KAT6A: variants seen among roughly 807,000 people sequenced by gnomAD.
The protein encoded by KAT6A is histone acetyltransferase KAT6A.
Under a neutral mutation model 198.4 loss-of-function variants are expected in KAT6A, and 9 were observed. The ratio of observed to expected loss-of-function variants is 0.05; its 90% confidence interval spans 0.03 to 0.08. KAT6A has a LOEUF of 0.08. KAT6A is among the 10% of genes least tolerant of loss of function. The pLI, the probability that KAT6A is intolerant of heterozygous loss-of-function variation, is 1.00. For synonymous variants in KAT6A, 890 were observed against 883.0 expected, an observed-to-expected ratio of 1.01 and a Z score of -0.14; for missense variants, 2,077 against 2,509.9, an observed-to-expected ratio of 0.83 and a Z score of 3.69.
Position 41,932,059 on chromosome 8 carries a change from T to TA in KAT6A, c.*145dup. 1.2e-6 allele frequency: 1 copy of TA among 834,288 alleles called. No homozygotes were observed. The highest frequency in any genetic ancestry group is 1.6e-6 in the Non-Finnish European group (1 of 615,446). 51.7% of individuals were successfully genotyped at this position (834,288 alleles called of 1,614,324 possible). On this transcript the variant is annotated 3_prime_UTR_variant, in exon 17 of 17. Coordinates refer to ENST00000265713, the MANE Select transcript of KAT6A (RefSeq NM_006766.5). ...CAAAAAAAGAGAAGATCAGGTTTTC[T>TA]AAAAAATAAAATAAACCAAAGAAAA...
chr8:41,978,556 T>C (rs754943565), intron 6 of KAT6A, 86 bp downstream of exon 6: 4 of 1,409,786 alleles, frequency 2.8e-6, no homozygotes, highest in Non-Finnish European at 3.9e-6. Flanking sequence ...CAATGGAATT[T>C]TTTTCATAGA....
chr8:41,932,053 G>T lies in KAT6A; in HGVS notation c.*152C>A, dbSNP rs974660234. 33 of 767,986 alleles carry T rather than the reference G, an allele frequency of 4.3e-5. No individual in the cohort carries two copies. Among genetic ancestry groups the T allele is most frequent in the Non-Finnish European group, 5.2e-5 (29 of 556,218 alleles). The allele number at this position is 767,986 out of a possible 1,614,324, so 47.6% of individuals were successfully genotyped here. A position where few individuals can be genotyped will look rare whatever the true frequency, so the allele number is the denominator to read the frequency against. ...TGAACCCAAAAAAAGAGAAGATCAG[G>T]TTTTCTAAAAAATAAAATAAACCAA... On this transcript the variant is annotated 3_prime_UTR_variant, in exon 17 of 17. Coordinates refer to ENST00000265713, the MANE Select transcript of KAT6A (RefSeq NM_006766.5).
chr8:41,979,038 C>T (rs189493489), intron 5 of KAT6A, among the ~76,000 whole-genome samples: 3 of 152,270 alleles, frequency 2.0e-5, no homozygotes, highest in African/African-American at 4.8e-5. Context: ...GAGGCTGAGG[C>T]GGGTGGATCA....
chr8:41,944,472 CA>C lies in KAT6A; in HGVS notation c.1997-494del, dbSNP rs1822283897. ...AATTACCTATCATTCTAACTCTAGG[CA>C]AGCAGGACTGCCAATATAAGTGTGG... On this transcript the variant is annotated intron_variant, in intron 12 of 16. Coordinates refer to ENST00000265713, the MANE Select transcript of KAT6A (RefSeq NM_006766.5). Among the ~76,000 whole-genome samples, 3 of 152,314 alleles carry C rather than the reference CA, an allele frequency of 2.0e-5. No homozygotes were observed. In the South Asian group the frequency reaches 6.2e-4, roughly 32 times the overall value.
chr8:42,040,878 C>G (rs1827634441), intron 2 of KAT6A, among the ~76,000 whole-genome samples: 1 of 151,434 alleles, frequency 6.6e-6, no homozygotes, highest in Non-Finnish European at 1.5e-5. Flanking sequence ...CTGAAAATTA[C>G]CAAAAATCAT....
chr8:41,974,442 C>A (rs1236107458), intron 8 of KAT6A: 2 of 274,406 alleles, frequency 7.3e-6, no homozygotes, highest in Admixed American at 1.1e-4. Context: ...ATCCCAAATT[C>A]TTCTTCATAC....
chr8:41,999,708 C>T (rs990624799), intron 2 of KAT6A, among the ~76,000 whole-genome samples: 3 of 152,318 alleles, frequency 2.0e-5, no homozygotes, highest in East Asian at 1.9e-4. Context: ...ATACTTTACG[C>T]TCATTCTCCA....
chr8:41,948,282 T>C (rs1822494963), intron 10 of KAT6A, among the ~76,000 whole-genome samples: 1 of 152,230 alleles, frequency 6.6e-6, no homozygotes, highest in Non-Finnish European at 1.5e-5. Context: ...ACAACCCTTC[T>C]AAAATACATT....
chr8:41,974,866 A>C, intron 7 of KAT6A, 44 bp from the exon 8 acceptor site: 1 of 1,244,634 alleles, frequency 8.0e-7, no homozygotes, highest in Non-Finnish European at 1.1e-6. Flanking sequence ...TCCCCAGATT[A>C]ATACATGAAC....
At chr8:41,945,356 C>T (rs201383840) in intron 12 of KAT6A, among the ~76,000 whole-genome samples, 1 of 151,648 alleles carries the variant, frequency 6.6e-6, no homozygotes, top group Non-Finnish European at 1.5e-5. Context: ...CTGAAACCTC[C>T]ACCTCCCGGG....
chr8:41,955,872 T>C (rs970540738), intron 8 of KAT6A, among the ~76,000 whole-genome samples: 1 of 152,198 alleles, frequency 6.6e-6, no homozygotes, highest in African/African-American at 2.4e-5. Flanking sequence ...GATGATTTTT[T>C]AGTTTGGGAA....
chr8:41,964,904 G>A (rs1216671440), intron 8 of KAT6A, among the ~76,000 whole-genome samples: 4 of 152,144 alleles, frequency 2.6e-5, no homozygotes, highest in East Asian at 3.9e-4. Context: ...AGGAGGAGAC[G>A]ATGATAATAA....
At chr8:42,033,371 A>G (rs556945022) in intron 2 of KAT6A, among the ~76,000 whole-genome samples, 103 of 152,330 alleles carry the variant, frequency 6.8e-4, no homozygotes, top group African/African-American at 2.4e-3. Flanking sequence ...TGTGATATCA[A>G]GTATGAAAAC....
rs1329831066 is a variant in KAT6A, at chr8:41,929,790, G to A, written c.*2415C>T. The A allele has an allele frequency of 1.0e-5, 2 of 194,036 alleles. No homozygotes were observed. Among genetic ancestry groups the A allele is most frequent in the African/African-American group, 2.3e-5 (1 of 43,112 alleles). 12.0% of individuals were successfully genotyped at this position (194,036 alleles called of 1,614,324 possible). ...TCTGGAGCTCTATTCACACACGCTA[G>A]AGATCTCTTTAAAGAGAATTTATCT... On this transcript the variant is annotated 3_prime_UTR_variant, in exon 17 of 17. Transcript: ENST00000265713.
intron 11 of KAT6A, 110 bp from the exon 12 acceptor site, chr8:41,946,794 G>A (rs952918784): frequency 1.5e-6 from 1 of 665,464 alleles, no homozygotes; most frequent in Non-Finnish European, 2.7e-6. Context: ...TGGTCCTTTG[G>A]GAATAGCAAC....
rs920801820 is a variant in KAT6A at position 41,975,616 on chromosome 8, GA to G, written c.1364-795del. On this transcript the variant is annotated intron_variant, in intron 7 of 16. Transcript: ENST00000265713. The stretch of plus-strand genomic sequence containing the variant: ...TGTTGACAACATTCTCAAACTGGAA[GA>G]AAAAAGTACAATCTAAAGGTACTAT... Among the ~76,000 whole-genome samples the G allele has an allele frequency of 3.0e-4, 45 of 152,204 alleles. 2 individuals are homozygous for G. The highest frequency in any genetic ancestry group is 2.5e-3 in the Admixed American group (38 of 15,252).
chr8:42,044,447 T>C (rs931095887), intron 2 of KAT6A, among the ~76,000 whole-genome samples: 2 of 152,076 alleles, frequency 1.3e-5, no homozygotes, highest in Admixed American at 6.6e-5. Flanking sequence ...TCAGTACTTA[T>C]CAATGTGAAA....
At chr8:42,041,849 C>A (rs1827684290) in intron 2 of KAT6A, among the ~76,000 whole-genome samples, 1 of 152,048 alleles carries the variant, frequency 6.6e-6, no homozygotes, top group African/African-American at 2.4e-5. Flanking sequence ...TTTTCCACGT[C>A]ACTGTATCCT....
At chr8:42,025,804 C>T (rs887555893) in intron 2 of KAT6A, among the ~76,000 whole-genome samples, 1 of 152,116 alleles carries the variant, frequency 6.6e-6, no homozygotes, top group Non-Finnish European at 1.5e-5. Context: ...TCCATGCTTT[C>T]GAGGTCTTAA....
Sources: allele counts gnomAD v4.1 joint callset (sites outside exome capture counted in the v4.1 genomes callset), GRCh38; gene constraint gnomAD v4.1.1; transcripts MANE v1.5; gene names NCBI Gene and HGNC (gene_info 2026-07-23, HGNC 2026-07-21).